Variants in TSPAN2 observed in about 807,000 individuals in gnomAD.
TSPAN2 encodes tetraspanin-2.
TSPAN2 carries 24 observed loss-of-function variants against 33.3 expected under a neutral mutation model. That is an observed-to-expected ratio of 0.72 (90% CI 0.52 to 1.01). The LOEUF (loss-of-function observed/expected upper bound fraction) is 1.01. TSPAN2 is among the 50% of genes least tolerant of loss of function. TSPAN2 has a pLI of 0.00. For missense variants in TSPAN2, 278 were observed against 281.3 expected (o/e 0.99, Z 0.08); for synonymous variants, 114 against 104.5 (o/e 1.09, Z -0.56).
intron 6 of TSPAN2, 21 bp downstream of exon 6, chr1:115,057,516 A>G (rs3738704): frequency 0.071 from 114,550 of 1,611,202 alleles, 4,824 homozygotes; most frequent in African/African-American, 0.18. Context: ...AGGTAGAGTA[A>G]GAACCTTGGT....
intron 2 of TSPAN2, among the ~76,000 whole-genome samples, chr1:115,068,130 C>T (rs1190022790): frequency 6.6e-6 from 1 of 152,182 alleles, no homozygotes. Context: ...CAGGCCTTGG[C>T]CTGGATGCAG....
intron 1 of TSPAN2, 39 bp downstream of exon 1, chr1:115,089,325 C>T: frequency 6.6e-7 from 1 of 1,505,090 alleles, no homozygotes; most frequent in Non-Finnish European, 8.9e-7. Context: ...CGCCACCCGG[C>T]CCCCTGCCCT....
chr1:115,062,078 C>T, intron 3 of TSPAN2, 57 bp downstream of exon 3: 1 of 1,423,756 alleles, frequency 7.0e-7, no homozygotes, highest in Non-Finnish European at 9.7e-7. Context: ...TGACTCCCTT[C>T]AGATGCAGGC....
At position 115,048,364 on chromosome 1, in the gene TSPAN2, C is replaced by A. The variant is rs1004165534; in HGVS notation, c.*2126G>T. On this transcript the variant is annotated 3_prime_UTR_variant, in exon 8 of 8. Coordinates refer to ENST00000369516, the MANE Select transcript of TSPAN2 (RefSeq NM_005725.6). ...GTGTGTGTATATATATCCACACACA[C>A]ATATAAAATCTATTGTTGCTTAGTG... The A allele has an allele frequency of 2.4e-4, 36 of 150,732 alleles. No homozygotes were observed. Among genetic ancestry groups the A allele is most frequent in the African/African-American group, 8.8e-4 (36 of 41,128 alleles). The allele number at this position is 150,732 out of a possible 1,614,324, so 9.3% of individuals were successfully genotyped here.
At chr1:115,058,034 G>C (rs1326815189) in intron 5 of TSPAN2, among the ~76,000 whole-genome samples, 4 of 152,184 alleles carry the variant, frequency 2.6e-5, no homozygotes, top group African/African-American at 4.8e-5. Context: ...GTGGCTGCAG[G>C]AAATTCCAGG....
chr1:115,071,158 G>A (rs1399398424), intron 2 of TSPAN2, among the ~76,000 whole-genome samples: 1 of 152,180 alleles, frequency 6.6e-6, no homozygotes, highest in Non-Finnish European at 1.5e-5. Flanking sequence ...AGGCCCAGGG[G>A]AGGGTGTGAG....
At chr1:115,055,771 C>A (rs1443207583) in intron 6 of TSPAN2, among the ~76,000 whole-genome samples, 1 of 152,180 alleles carries the variant, frequency 6.6e-6, no homozygotes, top group African/African-American at 2.4e-5. Flanking sequence ...ATCTGCCTGC[C>A]TCTGCCTCCC....
intron 2 of TSPAN2, among the ~76,000 whole-genome samples, chr1:115,067,784 T>C (rs1648006911): frequency 6.6e-6 from 1 of 152,110 alleles, no homozygotes; most frequent in Non-Finnish European, 1.5e-5. Context: ...CCTGTTAATA[T>C]CCTCTGCTCA....
In TSPAN2 at chr1:115,049,778, C is replaced by A. The variant is rs1557874192; in HGVS notation, c.*712G>T. On this transcript the variant is annotated 3_prime_UTR_variant, in exon 8 of 8. Transcript: ENST00000369516. Reference sequence around the variant, plus strand: ...AGTTTTTTAGTCCTATAAACACTCACTTTTATAGGGCACATGATTGTCTGT... The same window carrying A: ...AGTTTTTTAGTCCTATAAACACTCAATTTTATAGGGCACATGATTGTCTGT... 6.6e-6 allele frequency: 1 copy of A among 152,560 alleles called. No individual in the cohort carries two copies. The highest frequency in any genetic ancestry group is 1.5e-5 in the Non-Finnish European group (1 of 67,986). The allele number at this position is 152,560 out of a possible 1,614,324, so 9.5% of individuals were successfully genotyped here.
intron 1 of TSPAN2, 49 bp from the exon 2 acceptor site, chr1:115,073,056 C>G: frequency 6.6e-7 from 1 of 1,523,602 alleles, no homozygotes; most frequent in Non-Finnish European, 9.1e-7. Flanking sequence ...AAAGAGCATG[C>G]ACAGATCCGA....
chr1:115,077,947 A>C (rs1648479916), intron 1 of TSPAN2, among the ~76,000 whole-genome samples: 2 of 152,212 alleles, frequency 1.3e-5, no homozygotes, highest in Admixed American at 1.3e-4. Context: ...AATACCTGCT[A>C]TCCACTTTCT....
Position 115,057,627 on chromosome 1 carries a change from G to T in TSPAN2, c.445-19C>A. 1.2e-6 allele frequency: 2 copies of T among 1,613,190 alleles called. No homozygotes were observed. The highest frequency in any genetic ancestry group is 1.7e-6 in the Non-Finnish European group (2 of 1,179,266). The stretch of plus-strand genomic sequence containing the variant: ...ACTGAAACTAGAGAGTCAGAAAAGA[G>T]ACTTCAGGACCAGGCGGGAGGAGTA... On this transcript the variant is annotated intron_variant, in intron 5 of 7. Transcript: ENST00000369516.
chr1:115,072,216 C>T (rs1163611892), intron 2 of TSPAN2, among the ~76,000 whole-genome samples: 1 of 152,042 alleles, frequency 6.6e-6, no homozygotes, highest in Non-Finnish European at 1.5e-5. Context: ...GAGGCTGCAC[C>T]CCACCCCACA....
At position 115,049,354 on chromosome 1, in the gene TSPAN2, A is replaced by T. The variant is rs1675248614; in HGVS notation, c.*1136T>A. The T allele has an allele frequency of 6.6e-6, 1 of 152,552 alleles. No individual in the cohort carries two copies. The highest frequency in any genetic ancestry group is 1.5e-5 in the Non-Finnish European group (1 of 68,004). The allele number at this position is 152,552 out of a possible 1,614,324, so 9.4% of individuals were successfully genotyped here. A position where few individuals can be genotyped will look rare whatever the true frequency, so the allele number is the denominator to read the frequency against. On this transcript the variant is annotated 3_prime_UTR_variant, in exon 8 of 8. Transcript: ENST00000369516. ...CAACTAGGAGAAGATGCTTTTCTTT[A>T]TTTTGGTTTGGCCAAAGATGCTAAT...
At chr1:115,069,294 C>G (rs75718166) in intron 2 of TSPAN2, among the ~76,000 whole-genome samples, 263 of 152,284 alleles carry the variant, frequency 1.7e-3, no homozygotes, top group Non-Finnish European at 2.8e-3. Context: ...ATTCTCAGCC[C>G]ATGTGGTTTG....
In TSPAN2 at chr1:115,050,442, A is replaced by C. The variant is rs752958402; in HGVS notation, c.*48T>G. 1.1e-5 allele frequency: 16 copies of C among 1,521,352 alleles called. No individual in the cohort carries two copies. The highest frequency in any genetic ancestry group is 1.3e-5 in the Non-Finnish European group (14 of 1,096,106). The allele number at this position is 1,521,352 out of a possible 1,614,324, so 94.2% of individuals were successfully genotyped here. ...AATGAGCTGGGAGACAGCTCCTGTG[A>C]CATTTGGTATGAAAGCTTTAGATTG... On this transcript the variant is annotated 3_prime_UTR_variant, in exon 8 of 8. Coordinates refer to ENST00000369516, the MANE Select transcript of TSPAN2 (RefSeq NM_005725.6).
At chr1:115,080,706 C>A (rs1419129667) in intron 1 of TSPAN2, among the ~76,000 whole-genome samples, 1 of 152,218 alleles carries the variant, frequency 6.6e-6, no homozygotes, top group Non-Finnish European at 1.5e-5. Flanking sequence ...TACCAAGTCA[C>A]AGAAGTGAAC....
In TSPAN2 at chr1:115,053,405, C is replaced by T. The variant is rs1427978721; in HGVS notation, c.574G>A (p.Val192Ile). 6.2e-7 allele frequency: 1 copy of T among 1,614,014 alleles called. No homozygotes were observed. The highest frequency in any genetic ancestry group is 8.5e-7 in the Non-Finnish European group (1 of 1,179,924). Reference sequence around the variant, plus strand: ...GTCAGACCTGCAATTCCAATACCGACAATTCCAATGAGCTGGAGCTTAACA... The same window carrying T: ...GTCAGACCTGCAATTCCAATACCGATAATTCCAATGAGCTGGAGCTTAACA... ...ISVKLQLIGI[V>I]GIGIAGLTIF... The change falls in exon 7 of 8, where the codon GTC (valine) becomes ATC (isoleucine). Residue 192 changes from valine to isoleucine, a missense_variant. Val to Ile is a conservative substitution (Grantham distance 29). Coordinates refer to ENST00000369516, the MANE Select transcript of TSPAN2 (RefSeq NM_005725.6).
chr1:115,054,398 A>G (rs1459158548), intron 6 of TSPAN2, among the ~76,000 whole-genome samples: 2 of 152,200 alleles, frequency 1.3e-5, no homozygotes, highest in African/African-American at 2.4e-5. Context: ...TGCAGAGACA[A>G]TAGGATATGG....
Sources: allele counts gnomAD v4.1 joint callset (sites outside exome capture counted in the v4.1 genomes callset), GRCh38; gene constraint gnomAD v4.1.1; transcripts MANE v1.5; gene names NCBI Gene and HGNC (gene_info 2026-07-23, HGNC 2026-07-21).